Variants in DPY19L2 observed in about 807,000 individuals in gnomAD.
The protein encoded by DPY19L2 is dpy-19 like 2, also known as probable C-mannosyltransferase DPY19L2.
DPY19L2 carries 34 observed loss-of-function variants against 97.9 expected under a neutral mutation model. That is an observed-to-expected ratio of 0.35 (90% CI 0.26 to 0.46). The LOEUF (loss-of-function observed/expected upper bound fraction) is 0.46, where lower values mean the gene tolerates loss of function less well. DPY19L2 is among the 20% of genes least tolerant of loss of function. The pLI is 1.00. For synonymous variants in DPY19L2, 230 were observed against 307.9 expected (o/e 0.75, Z 2.65); for missense variants, 623 against 911.4 (o/e 0.68, Z 4.07).
intron 6 of DPY19L2, among the ~76,000 whole-genome samples, chr12:63,636,431 T>A (rs961709894): frequency 1.3e-5 from 2 of 152,016 alleles, no homozygotes; most frequent in African/African-American, 4.8e-5. Context: ...AAAACAATAT[T>A]AACTTTAAAT....
At chr12:63,652,163 G>T (rs1894340332) in intron 4 of DPY19L2, among the ~76,000 whole-genome samples, 1 of 152,074 alleles carries the variant, frequency 6.6e-6, no homozygotes, top group African/African-American at 2.4e-5. Context: ...ATATTTATGT[G>T]GCCATCAATC....
chr12:63,597,936 T>C lies in DPY19L2; in HGVS notation c.1360-26A>G, dbSNP rs370550923. The C allele has an allele frequency of 4.6e-4, 698 of 1,523,520 alleles. 2 individuals are homozygous for C. Among genetic ancestry groups the C allele is most frequent in the Non-Finnish European group, 5.4e-4 (601 of 1,116,064 alleles). 94.4% of individuals were successfully genotyped at this position (1,523,520 alleles called of 1,614,324 possible). A position where few individuals can be genotyped will look rare whatever the true frequency, so the allele number is the denominator to read the frequency against. On this transcript the variant is annotated intron_variant, in intron 13 of 21. Transcript: ENST00000324472. ...CTGGGAGAAAATAAAGTAAAATGAA[T>C]TAAAATTACACAAGTGATTATAGCC...
chr12:63,650,175 T>C (rs949009913), intron 4 of DPY19L2, among the ~76,000 whole-genome samples: 1 of 152,110 alleles, frequency 6.6e-6, no homozygotes, highest in Non-Finnish European at 1.5e-5. Flanking sequence ...TACCTCAAAA[T>C]TGTAAGAGCC....
chr12:63,668,200 C>A lies in DPY19L2; in HGVS notation c.194G>T (p.Arg65Leu). ...SPGRIQSLKE[R>L]KGLELEVVAK... is the part of the protein sequence containing the mutation. ...CACCACCTCTAGCTCCAAGCCTTTT[C>A]GCTCTTTCAGACTTTGGATCCTCCC... Residue 65 changes from arginine (R) to leucine (L), a missense_variant, in exon 1 of 22, where the codon CGA becomes CTA. Coordinates refer to ENST00000324472, the MANE Select transcript of DPY19L2 (RefSeq NM_173812.5). 6.2e-7 allele frequency: 1 copy of A among 1,613,930 alleles called. No homozygotes were observed. The highest frequency in any genetic ancestry group is 2.2e-5 in the East Asian group (1 of 44,804).
intron 11 of DPY19L2, among the ~76,000 whole-genome samples, chr12:63,611,022 A>G (rs1886930448): frequency 6.6e-6 from 1 of 152,014 alleles, no homozygotes; most frequent in Non-Finnish European, 1.5e-5. Flanking sequence ...CAAAACCACA[A>G]TGAGATACCA....
intron 6 of DPY19L2, among the ~76,000 whole-genome samples, chr12:63,640,366 T>C (rs1042939493): frequency 2.0e-5 from 3 of 152,084 alleles, no homozygotes; most frequent in Non-Finnish European, 2.9e-5. Flanking sequence ...TAAAAAAAGA[T>C]ACGAGAGGAT....
chr12:63,604,221 G>A (rs534584032), intron 12 of DPY19L2, among the ~76,000 whole-genome samples: 84 of 152,204 alleles, frequency 5.5e-4, no homozygotes, highest in African/African-American at 2.0e-3. Context: ...ACTCAATTTT[G>A]CCCTGTAGGT....
Position 63,559,333 on chromosome 12 carries a change from C to T in DPY19L2, c.*1179G>A, listed in dbSNP as rs1210222988. On this transcript the variant is annotated 3_prime_UTR_variant, in exon 22 of 22. Coordinates refer to ENST00000324472, the MANE Select transcript of DPY19L2 (RefSeq NM_173812.5). Reference sequence around the variant, plus strand: ...TTTTGTTATTTCAAGTGTAGAGGGGCAAGAACATAAGGGAATTATAAAAAC... The same window carrying T: ...TTTTGTTATTTCAAGTGTAGAGGGGTAAGAACATAAGGGAATTATAAAAAC... 6.6e-6 allele frequency: 1 copy of T among 152,000 alleles called. No homozygotes were observed. The highest frequency in any genetic ancestry group is 1.5e-5 in the Non-Finnish European group (1 of 67,996). 9.4% of individuals were successfully genotyped at this position (152,000 alleles called of 1,614,324 possible).
intron 5 of DPY19L2, among the ~76,000 whole-genome samples, chr12:63,646,162 T>G (rs1172173773): frequency 1.3e-5 from 2 of 152,186 alleles, no homozygotes. Context: ...AACAGCCCCC[T>G]TACAGCATAA....
intron 6 of DPY19L2, among the ~76,000 whole-genome samples, chr12:63,641,635 G>T (rs1185870693): frequency 6.6e-6 from 1 of 151,996 alleles, no homozygotes; most frequent in Non-Finnish European, 1.5e-5. Flanking sequence ...GTGTGTAGCT[G>T]TATAGTTCAT....
chr12:63,582,242 T>C (rs1223490020), intron 18 of DPY19L2, among the ~76,000 whole-genome samples, 164 bp downstream of exon 18: 1 of 152,196 alleles, frequency 6.6e-6, no homozygotes. Context: ...ATTGCTTTTC[T>C]TGCTTATAGT....
At chr12:63,667,048 T>G (rs1160741163) in intron 1 of DPY19L2, among the ~76,000 whole-genome samples, 1 of 152,184 alleles carries the variant, frequency 6.6e-6, no homozygotes, top group African/African-American at 2.4e-5. Context: ...TAAATACTTC[T>G]CGGAAGATTT....
At chr12:63,584,983 A>G (rs2137393893) in intron 16 of DPY19L2, among the ~76,000 whole-genome samples, 1 of 152,282 alleles carries the variant, frequency 6.6e-6, no homozygotes, top group Admixed American at 6.5e-5. Context: ...TAAGATGGAA[A>G]AGGCATTAAA....
intron 12 of DPY19L2, among the ~76,000 whole-genome samples, chr12:63,602,273 A>AAT (rs200157536): frequency 6.6e-6 from 1 of 152,042 alleles, no homozygotes; most frequent in Non-Finnish European, 1.5e-5. Context: ...ACTATCAAAA[A>AAT]AAATAAAAAC....
At chr12:63,591,983 AG>A (rs1883044609) in intron 16 of DPY19L2, among the ~76,000 whole-genome samples, 34 of 45,412 alleles carry the variant, frequency 7.5e-4, no homozygotes, top group African/African-American at 4.4e-3. Context: ...AAAGAGGGGA[AG>A]GGAAGGGAAG....
rs1440887535 is a variant in DPY19L2, at chr12:63,614,005, C to T, written c.1218+3299G>A. On this transcript the variant is annotated intron_variant, in intron 11 of 21. Transcript: ENST00000324472. Reference sequence around the variant, plus strand: ...AGGAGTTTGAGACCAGCCTGGCCAACATGGTGACACCCCGTCTCTACTAAA... The same window carrying T: ...AGGAGTTTGAGACCAGCCTGGCCAATATGGTGACACCCCGTCTCTACTAAA... Among the ~76,000 whole-genome samples the T allele has an allele frequency of 5.3e-5, 8 of 151,738 alleles. No individual in the cohort carries two copies. In the East Asian group the frequency reaches 1.5e-3, roughly 29 times the overall value.
intron 19 of DPY19L2, among the ~76,000 whole-genome samples, chr12:63,579,574 G>T (rs1880505812): frequency 6.6e-6 from 1 of 152,084 alleles, no homozygotes; most frequent in Admixed American, 6.5e-5. Flanking sequence ...ACAAACACTG[G>T]AACAAAGAAA....
chr12:63,664,332 G>C (rs1273430205), intron 2 of DPY19L2, among the ~76,000 whole-genome samples: 2 of 149,160 alleles, frequency 1.3e-5, no homozygotes, highest in Admixed American at 6.8e-5. Flanking sequence ...GTGAGACTCT[G>C]TCTTAAAAAA....
chr12:63,598,892 G>A (rs561927431), intron 13 of DPY19L2, among the ~76,000 whole-genome samples: 1 of 151,272 alleles, frequency 6.6e-6, no homozygotes, highest in East Asian at 1.9e-4. Context: ...AATTTGTAGG[G>A]CAGGCATGGT....
Sources: gnomAD v4.1 joint callset for allele counts (sites outside exome capture counted in the v4.1 genomes callset) on GRCh38, gnomAD v4.1.1 for gene constraint, MANE v1.5 for transcripts, NCBI Gene and HGNC (gene_info 2026-07-23, HGNC 2026-07-21) for gene names.